Variants in NSUN7 observed in about 807,000 individuals in gnomAD.
NSUN7 encodes NOP2/Sun RNA methyltransferase family member 7.
In NSUN7, 39 loss-of-function variants were observed where a neutral mutation model predicts 58.5. That is an observed-to-expected ratio of 0.67 (90% CI 0.52 to 0.87). The LOEUF (loss-of-function observed/expected upper bound fraction) is 0.87, where lower values mean the gene tolerates loss of function less well. Among genes scored for constraint, NSUN7 ranks in the 40% least tolerant of loss-of-function variants. NSUN7 has a pLI of 0.00. For synonymous variants in NSUN7, 278 were observed against 303.7 expected (o/e 0.92, Z 0.88); for missense variants, 765 against 844.1 (o/e 0.91, Z 1.16).
chr4:40,806,945 T>C, intron 10 of NSUN7, 116 bp from the exon 11 acceptor site: 1 of 1,065,144 alleles, frequency 9.4e-7, no homozygotes, highest in Non-Finnish European at 1.3e-6. Context: ...TGATTGGAAT[T>C]TCTGTTTAAA....
At chr4:40,751,505 G>A (rs2437333) in intron 2 of NSUN7, among the ~76,000 whole-genome samples, 99,566 of 152,016 alleles carry the variant, frequency 0.65, 33,227 homozygotes, top group Middle Eastern at 0.77. Flanking sequence ...TAAAACCAGT[G>A]AGGGAGGATG....
chr4:40,794,561 A>C (rs1365146147), intron 9 of NSUN7, 85 bp downstream of exon 9: 2 of 782,428 alleles, frequency 2.6e-6, no homozygotes, highest in Non-Finnish European at 4.2e-6. Flanking sequence ...ATAATCAAGC[A>C]ATGAAGTGTG....
chr4:40,752,208 A>C (rs551138770), intron 2 of NSUN7, among the ~76,000 whole-genome samples: 1 of 152,324 alleles, frequency 6.6e-6, no homozygotes. Context: ...ACACCTCAAA[A>C]AGGGCAACAC....
At chr4:40,760,593 T>C in intron 3 of NSUN7, 101 bp downstream of exon 3, 2 of 917,302 alleles carry the variant, frequency 2.2e-6, no homozygotes, top group East Asian at 2.7e-5. Context: ...CCGGGCGCAG[T>C]GGCTCACACC....
chr4:40,751,696 T>G (rs1740842692), intron 2 of NSUN7, among the ~76,000 whole-genome samples: 1 of 152,130 alleles, frequency 6.6e-6, no homozygotes, highest in Admixed American at 6.6e-5. Context: ...TCAAGGATGG[T>G]TAGTTATCAA....
chr4:40,762,624 C>G (rs1433545052), intron 4 of NSUN7: 1 of 152,126 alleles, frequency 6.6e-6, no homozygotes, highest in Admixed American at 6.5e-5. Context: ...GAGGAACAGA[C>G]AAGTTAAAGC....
chr4:40,808,873 A>T lies in NSUN7; in HGVS notation c.2091A>T (p.Arg697Ser). The T allele has an allele frequency of 6.5e-7, 1 of 1,546,828 alleles. No homozygotes were observed. The highest frequency in any genetic ancestry group is 8.7e-7 in the Non-Finnish European group (1 of 1,146,680). The change falls in exon 12 of 12, where the codon AGA becomes AGT. Residue 697 changes from arginine (R) to serine (S), a missense_variant. Physicochemically the swap from Arg to Ser is moderately radical, Grantham distance 110 (BLOSUM62 -1). Transcript: ENST00000381782. ...PTCLPTHSLS[R>S]KEEKPKDDTP... ...GCCTTCCCACACACTCACTATCCAGAAAAGAGGAAAAGCCTAAAGATGACA... is the reference window on the plus strand; with the variant it reads ...GCCTTCCCACACACTCACTATCCAGTAAAGAGGAAAAGCCTAAAGATGACA...
chr4:40,762,449 T>C (rs1263628529), intron 4 of NSUN7, among the ~76,000 whole-genome samples: 1 of 152,220 alleles, frequency 6.6e-6, no homozygotes, highest in Non-Finnish European at 1.5e-5. Flanking sequence ...TTATTTAAAT[T>C]ATTGAAGGCT....
chr4:40,795,406 G>A (rs981045392), intron 9 of NSUN7, among the ~76,000 whole-genome samples: 1 of 152,134 alleles, frequency 6.6e-6, no homozygotes, highest in African/African-American at 2.4e-5. Context: ...ATATGGATAT[G>A]ATCTAGGAAA....
At chr4:40,802,329 A>C (rs140566416) in intron 10 of NSUN7, among the ~76,000 whole-genome samples, 12 of 141,778 alleles carry the variant, frequency 8.5e-5, no homozygotes, top group Middle Eastern at 3.7e-3. Flanking sequence ...GTTTCTTCTC[A>C]AATTTTATAT....
At chr4:40,797,932 C>T (rs1743393449) in intron 9 of NSUN7, among the ~76,000 whole-genome samples, 1 of 152,182 alleles carries the variant, frequency 6.6e-6, no homozygotes, top group Non-Finnish European at 1.5e-5. Flanking sequence ...CATACCAGCA[C>T]CATGTTGACT....
intron 7 of NSUN7, among the ~76,000 whole-genome samples, chr4:40,789,121 A>G (rs1742965987): frequency 6.6e-6 from 1 of 152,216 alleles, no homozygotes; most frequent in Admixed American, 6.5e-5. Flanking sequence ...TCTGTTAAGT[A>G]GTTTTGCCTC....
At chr4:40,755,199 C>T (rs1741079478) in intron 2 of NSUN7, among the ~76,000 whole-genome samples, 1 of 152,246 alleles carries the variant, frequency 6.6e-6, no homozygotes, top group South Asian at 2.1e-4. Context: ...AAGTGATTCT[C>T]CTGCCTCAGC....
chr4:40,768,717 A>T (rs749850372), intron 4 of NSUN7, among the ~76,000 whole-genome samples: 2 of 151,946 alleles, frequency 1.3e-5, no homozygotes, highest in Non-Finnish European at 2.9e-5. Flanking sequence ...CATTTTTTTT[A>T]CATATGAAAG....
chr4:40,787,036 G>GAAA (rs376787204), intron 7 of NSUN7, among the ~76,000 whole-genome samples: 4,140 of 135,518 alleles, frequency 0.031, 88 homozygotes, highest in Non-Finnish European at 0.045. Flanking sequence ...TTTAAAGAGT[G>GAAA]AAAAAAAAAA....
rs1383635706 is a variant in NSUN7 at position 40,808,968 on chromosome 4, G to C, written c.*29G>C. 6.8e-7 allele frequency: 1 copy of C among 1,472,610 alleles called. No homozygotes were observed. The highest frequency in any genetic ancestry group is 2.5e-5 in the Admixed American group (1 of 39,224). The allele number at this position is 1,472,610 out of a possible 1,614,324, so 91.2% of individuals were successfully genotyped here. ...TCTTGTGTTTTTTATAGGGGCCAAA[G>C]AGCAGTTGATTTTTTTTCAAAGTCT... On this transcript the variant is annotated 3_prime_UTR_variant, in exon 12 of 12. Transcript: ENST00000381782.
At chr4:40,760,743 C>T (rs1741414784) in intron 3 of NSUN7, among the ~76,000 whole-genome samples, 1 of 151,826 alleles carries the variant, frequency 6.6e-6, no homozygotes, top group Non-Finnish European at 1.5e-5. Context: ...TGCCTGTAAT[C>T]CCAGCTACTT....
chr4:40,791,136 A>C (rs1743056192), intron 8 of NSUN7, among the ~76,000 whole-genome samples: 1 of 152,172 alleles, frequency 6.6e-6, no homozygotes, highest in African/African-American at 2.4e-5. Flanking sequence ...CTAAGATTCA[A>C]ATTTAGATCT....
intron 2 of NSUN7, among the ~76,000 whole-genome samples, chr4:40,752,758 G>A (rs1004885332): frequency 1.6e-4 from 2 of 12,300 alleles, no homozygotes; most frequent in African/African-American, 2.3e-3. Flanking sequence ...AAAATGCTCA[G>A]TTGAATTAAA....
Sources: allele counts gnomAD v4.1 joint callset (sites outside exome capture counted in the v4.1 genomes callset), GRCh38; gene constraint gnomAD v4.1.1; transcripts MANE v1.5; gene names NCBI Gene and HGNC (gene_info 2026-07-23, HGNC 2026-07-21).